The following SLC9A9 variants were observed in gnomAD, a reference collection of about 807,000 sequenced individuals.
SLC9A9 encodes sodium/hydrogen exchanger 9.
SLC9A9 carries 62 observed loss-of-function variants against 77.8 expected under a neutral mutation model. The observed-to-expected ratio is 0.80, with a 90% CI of 0.65 to 0.98. The LOEUF is 0.98. SLC9A9 is among the 50% of genes least tolerant of loss of function. SLC9A9 has a pLI of 0.00. For synonymous variants in SLC9A9, 320 were observed against 283.5 expected (o/e 1.13, Z -1.29); for missense variants, 775 against 774.9 (o/e 1.00, Z 0.00).
chr3:143,752,828 G>A (rs1356514588), intron 4 of SLC9A9, among the ~76,000 whole-genome samples: 1 of 152,052 alleles, frequency 6.6e-6, no homozygotes. Flanking sequence ...TGCTTCCAAT[G>A]GATATGGAAA....
chr3:143,822,656 T>C (rs1249562089), intron 2 of SLC9A9, among the ~76,000 whole-genome samples: 2 of 152,218 alleles, frequency 1.3e-5, no homozygotes, highest in Non-Finnish European at 1.5e-5. Context: ...GGTGGAACTT[T>C]AAATAACTAC....
chr3:143,556,020 A>G (rs2036973770), intron 8 of SLC9A9, among the ~76,000 whole-genome samples: 1 of 152,268 alleles, frequency 6.6e-6, no homozygotes, highest in South Asian at 2.1e-4. Context: ...TATGACTTTT[A>G]CAAGCCAAAC....
chr3:143,278,558 C>T (rs941787870), intron 14 of SLC9A9, among the ~76,000 whole-genome samples: 1 of 152,128 alleles, frequency 6.6e-6, no homozygotes, highest in African/African-American at 2.4e-5. Context: ...GCCAGCAATC[C>T]TTGGTGTTCC....
Position 143,606,436 on chromosome 3 carries a change from C to CTCTCTATATATATATATATATATA in SLC9A9, c.756-27714_756-27713insTATATATATATATATATATAGAGA, listed in dbSNP as rs1419410834. On this transcript the variant is annotated intron_variant, in intron 6 of 15. Transcript: ENST00000316549. Reference sequence around the variant, plus strand: ...TCTCTCTCTCTCTCTCTCTCTCTCTCTATATATATATATATATATATATAT... The same window carrying CTCTCTATATATATATATATATATA: ...TCTCTCTCTCTCTCTCTCTCTCTCTCTCTCTATATATATATATATATATATATATATATATATATATATATATAT... 3.0e-4 allele frequency among the ~76,000 whole-genome samples: 16 copies of CTCTCTATATATATATATATATATA among 54,212 alleles called. 1 individual carries two copies. Among genetic ancestry groups the CTCTCTATATATATATATATATATA allele is most frequent in the East Asian group, 7.4e-4 (1 of 1,356 alleles). 35.6% of individuals were successfully genotyped at this position (54,212 alleles called of 152,430 possible).
chr3:143,656,268 T>C (rs2038886030), intron 5 of SLC9A9, among the ~76,000 whole-genome samples: 1 of 152,162 alleles, frequency 6.6e-6, no homozygotes, highest in African/African-American at 2.4e-5. Context: ...GATATAATAT[T>C]TTGATTTTTT....
At chr3:143,373,686 T>C (rs2033110750) in intron 13 of SLC9A9, among the ~76,000 whole-genome samples, 1 of 147,960 alleles carries the variant, frequency 6.8e-6, no homozygotes, top group Non-Finnish European at 1.5e-5. Flanking sequence ...AAAAATTTAC[T>C]AGATCAGCTT....
chr3:143,688,202 C>T (rs905378645), intron 5 of SLC9A9, among the ~76,000 whole-genome samples: 1 of 151,928 alleles, frequency 6.6e-6, no homozygotes, highest in Non-Finnish European at 1.5e-5. Flanking sequence ...CCTCCTGCCT[C>T]GGCCTCCCAG....
chr3:143,553,210 C>T (rs1317476091), intron 8 of SLC9A9, among the ~76,000 whole-genome samples: 1 of 152,178 alleles, frequency 6.6e-6, no homozygotes, highest in Non-Finnish European at 1.5e-5. Context: ...CACACATACA[C>T]TAGATGCTTT....
intron 12 of SLC9A9, among the ~76,000 whole-genome samples, chr3:143,416,544 G>A (rs73144769): frequency 0.095 from 14,387 of 152,070 alleles, 782 homozygotes; most frequent in East Asian, 0.17. Flanking sequence ...TAGATGATTA[G>A]CATTTTTTAG....
intron 14 of SLC9A9, among the ~76,000 whole-genome samples, chr3:143,286,675 C>T (rs1467236949): frequency 1.3e-5 from 2 of 152,136 alleles, no homozygotes. Context: ...GTTGATTCTT[C>T]CCAGTTTAGG....
chr3:143,693,908 C>A (rs1042811607), intron 4 of SLC9A9, among the ~76,000 whole-genome samples: 1 of 152,088 alleles, frequency 6.6e-6, no homozygotes. Context: ...AGTTGCATTG[C>A]GATCTTTCAA....
chr3:143,778,608 T>C (rs1350208948), intron 4 of SLC9A9, among the ~76,000 whole-genome samples: 15 of 151,342 alleles, frequency 9.9e-5, no homozygotes, highest in Non-Finnish European at 2.9e-5. Context: ...CTGGAAACCA[T>C]GTAAAAAAAT....
chr3:143,635,248 G>A (rs1193206373), intron 6 of SLC9A9, among the ~76,000 whole-genome samples: 1 of 152,188 alleles, frequency 6.6e-6, no homozygotes, highest in Admixed American at 6.5e-5. Context: ...CTTCCTCACA[G>A]CAAGGTGGCT....
chr3:143,549,314 A>T lies in SLC9A9; in HGVS notation c.1089+3048T>A, dbSNP rs76362022. ...GACCTTAGACTCTGTTTACTACAGT[A>T]TGGGATGTGCATGTGTATAGGCATG... On this transcript the variant is annotated intron_variant, in intron 9 of 15. Coordinates refer to ENST00000316549, the MANE Select transcript of SLC9A9 (RefSeq NM_173653.4). Among the ~76,000 whole-genome samples the T allele has an allele frequency of 6.2e-3, 951 of 152,280 alleles. 8 individuals are homozygous for T. Among genetic ancestry groups the T allele is most frequent in the African/African-American group, 0.021 (890 of 41,546 alleles).
At chr3:143,461,733 A>G (rs933138067) in intron 12 of SLC9A9, among the ~76,000 whole-genome samples, 1 of 152,210 alleles carries the variant, frequency 6.6e-6, no homozygotes, top group African/African-American at 2.4e-5. Context: ...AATGAAGCAA[A>G]CTGTTAAACC....
intron 6 of SLC9A9, among the ~76,000 whole-genome samples, chr3:143,645,384 C>T (rs1034344542): frequency 6.6e-6 from 1 of 152,158 alleles, no homozygotes; most frequent in African/African-American, 2.4e-5. Context: ...TTTTGTTACG[C>T]ATATTAAATC....
chr3:143,825,295 T>C (rs930841090), intron 2 of SLC9A9, among the ~76,000 whole-genome samples: 1 of 152,160 alleles, frequency 6.6e-6, no homozygotes, highest in Non-Finnish European at 1.5e-5. Context: ...CTGGCCTTAT[T>C]GAAGCTCAAG....
At chr3:143,475,131 T>A (rs1576522205) in intron 11 of SLC9A9, among the ~76,000 whole-genome samples, 2 of 151,644 alleles carry the variant, frequency 1.3e-5, no homozygotes, top group Non-Finnish European at 2.9e-5. Flanking sequence ...GCTCATTTTT[T>A]TTTTTTTTTT....
chr3:143,838,588 C>T (rs1559821999), intron 1 of SLC9A9, among the ~76,000 whole-genome samples: 1 of 152,092 alleles, frequency 6.6e-6, no homozygotes, highest in South Asian at 2.1e-4. Context: ...AAGTTAACAT[C>T]ATATTTAGTC....
Sources: gnomAD v4.1 joint callset for allele counts (sites outside exome capture counted in the v4.1 genomes callset) on GRCh38, gnomAD v4.1.1 for gene constraint, MANE v1.5 for transcripts, NCBI Gene and HGNC (gene_info 2026-07-23, HGNC 2026-07-21) for gene names.